The following RAB38 variants were observed in gnomAD, a reference collection of about 807,000 sequenced individuals.
RAB38 encodes the protein RAB38, member RAS oncogene family.
RAB38 carries 15 observed loss-of-function variants against 18.4 expected under a neutral mutation model. The observed-to-expected ratio is 0.82, with a 90% CI of 0.55 to 1.26. The LOEUF is 1.26. Ranked by LOEUF, RAB38 falls within the 50% of genes most tolerant of loss-of-function variation. The pLI is 0.00. For synonymous variants in RAB38, 101 were observed against 104.4 expected (o/e 0.97, Z 0.20); for missense variants, 294 against 267.4 (o/e 1.10, Z -0.69).
the RAB38 span, among the ~76,000 whole-genome samples, chr11:87,869,126 G>T: frequency 6.6e-6 from 1 of 151,630 alleles, no homozygotes; most frequent in Admixed American, 6.6e-5. Context: ...CATTTTAAAT[G>T]TCACTATCAT....
chr11:88,173,656 C>G lies in RAB38; in HGVS notation c.202+1527G>C, dbSNP rs377167334. 27 of 985,266 alleles carry G rather than the reference C, an allele frequency of 2.7e-5. 1 individual carries two copies. In the East Asian group the frequency reaches 5.7e-4, roughly 21 times the overall value. The allele number at this position is 985,266 out of a possible 1,614,324, so 61.0% of individuals were successfully genotyped here. ...TCTAAATCTGAATCCTGAGGACTTT[C>G]GAGCAGCCAGAAGGGTTTTCAGACA... On this transcript the variant is annotated intron_variant, in intron 1 of 2. Coordinates refer to ENST00000243662, the MANE Select transcript of RAB38 (RefSeq NM_022337.3).
At chr11:87,850,476 G>T in the RAB38 span, among the ~76,000 whole-genome samples, 1 of 152,028 alleles carries the variant, frequency 6.6e-6, no homozygotes, top group African/African-American at 2.4e-5. Flanking sequence ...GCGTGTGTGT[G>T]TGTGTGCACG....
chr11:88,095,652 CAA>C, the RAB38 span, among the ~76,000 whole-genome samples: 1 of 151,796 alleles, frequency 6.6e-6, no homozygotes, highest in Non-Finnish European at 1.5e-5. Flanking sequence ...TGATGAATTC[CAA>C]AGTTTTAACT....
chr11:88,159,281 G>C (rs1332539869), intron 1 of RAB38, among the ~76,000 whole-genome samples: 3 of 150,004 alleles, frequency 2.0e-5, no homozygotes, highest in Non-Finnish European at 4.5e-5. Context: ...AAGGAAGAAG[G>C]TAAAAGATCT....
chr11:88,045,948 C>T, the RAB38 span, among the ~76,000 whole-genome samples: 11 of 152,184 alleles, frequency 7.2e-5, no homozygotes, highest in East Asian at 5.8e-4. Context: ...CTTATTAGGC[C>T]GAGACACTTT....
the RAB38 span, among the ~76,000 whole-genome samples, chr11:87,968,977 C>T: frequency 2.4e-4 from 37 of 152,162 alleles, no homozygotes; most frequent in East Asian, 6.8e-3. Context: ...GCTCGTTACA[C>T]TAAAAGATTA....
the RAB38 span, chr11:87,879,524 G>C: frequency 6.6e-6 from 1 of 151,718 alleles, no homozygotes; most frequent in Non-Finnish European, 1.5e-5. Context: ...TTATGCAGTG[G>C]ACTAGGGTTG....
chr11:87,921,329 A>C, the RAB38 span, among the ~76,000 whole-genome samples: 1 of 151,906 alleles, frequency 6.6e-6, no homozygotes, highest in Admixed American at 6.6e-5. Context: ...CCAGTCGTTC[A>C]GCCATGGGAT....
At chr11:87,910,522 T>C in the RAB38 span, among the ~76,000 whole-genome samples, 1 of 152,016 alleles carries the variant, frequency 6.6e-6, no homozygotes, top group African/African-American at 2.4e-5. Flanking sequence ...AATATCCAAA[T>C]AATATTTGTC....
chr11:88,023,538 GA>G, the RAB38 span, among the ~76,000 whole-genome samples: 153 of 150,452 alleles, frequency 1.0e-3, no homozygotes, highest in African/African-American at 3.6e-3. Context: ...CACAGAAATA[GA>G]AAAAAAAATA....
At chr11:87,977,942 A>G in the RAB38 span, among the ~76,000 whole-genome samples, 30 of 113,312 alleles carry the variant, frequency 2.6e-4, no homozygotes, top group Admixed American at 7.6e-4. Context: ...TTTATATAAT[A>G]TATTAATATA....
At chr11:87,973,587 T>C in the RAB38 span, among the ~76,000 whole-genome samples, 5 of 145,948 alleles carry the variant, frequency 3.4e-5, no homozygotes, top group Non-Finnish European at 7.8e-5. Context: ...AGAGAGCTTC[T>C]GAAATGGCTG....
At chr11:87,916,642 A>T in the RAB38 span, among the ~76,000 whole-genome samples, 9 of 152,236 alleles carry the variant, frequency 5.9e-5, no homozygotes, top group South Asian at 1.9e-3. Context: ...CCCAGTCTCA[A>T]GTATTCTGTT....
the RAB38 span, chr11:87,817,514 C>T: frequency 8.5e-5 from 13 of 152,094 alleles, no homozygotes; most frequent in Non-Finnish European, 1.9e-4. Flanking sequence ...AACATACATT[C>T]TTATGAGCTT....
the RAB38 span, among the ~76,000 whole-genome samples, chr11:87,932,569 C>T: frequency 6.6e-6 from 1 of 152,010 alleles, no homozygotes; most frequent in Non-Finnish European, 1.5e-5. Context: ...TGGATTTTTG[C>T]CCAGAAAAAT....
chr11:87,865,263 A>G, the RAB38 span, among the ~76,000 whole-genome samples: 4 of 151,758 alleles, frequency 2.6e-5, no homozygotes, highest in South Asian at 6.2e-4. Flanking sequence ...TGATTAAAGT[A>G]AGGATCTTGA....
At chr11:88,116,887 C>T (rs1235585086) in intron 2 of RAB38, among the ~76,000 whole-genome samples, 3 of 152,158 alleles carry the variant, frequency 2.0e-5, no homozygotes, top group East Asian at 3.8e-4. Context: ...ACAAAATCTA[C>T]TAATGAGGAG....
At chr11:88,169,672 A>G (rs1943285457) in intron 1 of RAB38, among the ~76,000 whole-genome samples, 1 of 152,222 alleles carries the variant, frequency 6.6e-6, no homozygotes. Flanking sequence ...ACGCACTCAC[A>G]GGGAATGACT....
At chr11:87,863,587 G>A in the RAB38 span, among the ~76,000 whole-genome samples, 1 of 151,762 alleles carries the variant, frequency 6.6e-6, no homozygotes, top group African/African-American at 2.4e-5. Context: ...GCGCATGATA[G>A]TGTAAATAAG....
Sources: allele counts gnomAD v4.1 joint callset (sites outside exome capture counted in the v4.1 genomes callset), GRCh38; gene constraint gnomAD v4.1.1; transcripts MANE v1.5; gene names NCBI Gene and HGNC (gene_info 2026-07-23, HGNC 2026-07-21).